The following GSE1 variants were observed in gnomAD, a reference collection of about 807,000 sequenced individuals.
The protein encoded by GSE1 is genetic suppressor element 1.
In GSE1, 32 loss-of-function variants were observed where a neutral mutation model predicts 112.6. That is an observed-to-expected ratio of 0.28 (90% CI 0.21 to 0.38). The LOEUF is 0.38. Among genes scored for constraint, GSE1 ranks in the 10% least tolerant of loss-of-function variants. GSE1 has a pLI of 1.00. For missense variants in GSE1, 2,348 were observed against 1,699.2 expected, an observed-to-expected ratio of 1.38 and a Z score of -6.71; for synonymous variants, 1,115 against 735.6, an observed-to-expected ratio of 1.52 and a Z score of -8.35.
intron 2 of GSE1, among the ~76,000 whole-genome samples, chr16:85,488,253 C>G (rs781030531): frequency 6.6e-6 from 1 of 152,148 alleles, no homozygotes; most frequent in African/African-American, 2.4e-5. Flanking sequence ...ATCTAGCATC[C>G]TCGTCCTCTT....
intron 1 of GSE1, among the ~76,000 whole-genome samples, chr16:85,328,418 G>C (rs1377576876): frequency 2.0e-5 from 3 of 152,208 alleles, no homozygotes; most frequent in Non-Finnish European, 4.4e-5. Flanking sequence ...CACAGCGGGG[G>C]CCGGAGGGAG....
At chr16:85,294,890 A>G (rs1259638145) in intron 1 of GSE1, among the ~76,000 whole-genome samples, 1 of 151,358 alleles carries the variant, frequency 6.6e-6, no homozygotes, top group Non-Finnish European at 1.5e-5. Context: ...TTGTACGTTC[A>G]CAGTATTTTG....
chr16:85,526,200 A>G (rs574176041), intron 2 of GSE1, among the ~76,000 whole-genome samples: 2 of 152,300 alleles, frequency 1.3e-5, no homozygotes, highest in South Asian at 4.1e-4. Flanking sequence ...TTCACTGAGC[A>G]CCTACTGTGT....
intron 1 of GSE1, among the ~76,000 whole-genome samples, chr16:85,294,416 G>A (rs1179441858): frequency 1.3e-5 from 2 of 152,198 alleles, no homozygotes; most frequent in African/African-American, 4.8e-5. Flanking sequence ...GCTGCGTGGT[G>A]TTCCATGGGT....
At chr16:85,518,977 C>T (rs886639160) in intron 2 of GSE1, among the ~76,000 whole-genome samples, 5 of 152,112 alleles carry the variant, frequency 3.3e-5, no homozygotes, top group East Asian at 1.9e-4. Context: ...TGTTGAGAAG[C>T]GCACTCTGGA....
intron 1 of GSE1, among the ~76,000 whole-genome samples, chr16:85,195,389 C>G (rs1324574595): frequency 6.6e-6 from 1 of 152,140 alleles, no homozygotes; most frequent in African/African-American, 2.4e-5. Context: ...GTAACCCTGG[C>G]TGGGACAGGG....
At chr16:85,589,151 C>G (rs1481139103) in intron 1 of GSE1, among the ~76,000 whole-genome samples, 6 of 152,164 alleles carry the variant, frequency 3.9e-5, no homozygotes, top group Admixed American at 3.9e-4. Flanking sequence ...TCAGGCCCCA[C>G]CCCCACCGGC....
intron 1 of GSE1, among the ~76,000 whole-genome samples, chr16:85,173,812 A>G (rs1371888367): frequency 6.6e-6 from 1 of 152,138 alleles, no homozygotes; most frequent in Non-Finnish European, 1.5e-5. Flanking sequence ...TCTGGTGTGG[A>G]CGGGAACGCA....
Position 85,207,502 on chromosome 16 carries a change from G to A in GSE1, c.2283+35695G>A, listed in dbSNP as rs561680425. Among the ~76,000 whole-genome samples the A allele has an allele frequency of 4.9e-3, 740 of 152,372 alleles. 5 individuals carry two copies. Among genetic ancestry groups the A allele is most frequent in the African/African-American group, 0.017 (706 of 41,594 alleles). On this transcript the variant is annotated intron_variant, in intron 1 of 2. Coordinates refer to the GSE1 transcript ENST00000637419. ...CAGCTGGGAGAGGCTGGCTTCCCCT[G>A]CTGGGGGTGACTGAGGGTCATTCAG...
At chr16:85,230,737 G>A (rs1022376720) in intron 1 of GSE1, among the ~76,000 whole-genome samples, 5 of 152,258 alleles carry the variant, frequency 3.3e-5, no homozygotes, top group African/African-American at 1.2e-4. Context: ...GGGGAAAGGG[G>A]TGTATTAACT....
At position 85,655,794 on chromosome 16, in the gene GSE1, T is replaced by C; in HGVS notation, c.866T>C (p.Leu289Pro). ...TACCCCATCCCCACCCCCGGCTCCCTGCCCCCACTGCACCCATCAGCGATG... is the reference window on the plus strand; with the variant it reads ...TACCCCATCCCCACCCCCGGCTCCCCGCCCCCACTGCACCCATCAGCGATG... ...PFYPIPTPGS[L>P]PPLHPSAMHL... is the part of the protein sequence containing the mutation. Residue 289 changes from leucine (L) to proline (P), a missense_variant, in exon 6 of 16, where the codon CTG becomes CCG. By Grantham distance (98) the Leu-to-Pro change is moderately conservative. Coordinates refer to ENST00000253458, the MANE Select transcript of GSE1 (RefSeq NM_014615.5). The C allele has an allele frequency of 1.6e-6, 2 of 1,279,614 alleles. No homozygotes were observed. Among genetic ancestry groups the C allele is most frequent in the Non-Finnish European group, 2.2e-6 (2 of 895,738 alleles). The allele number at this position is 1,279,614 out of a possible 1,614,324, so 79.3% of individuals were successfully genotyped here. A position where few individuals can be genotyped will look rare whatever the true frequency, so the allele number is the denominator to read the frequency against.
chr16:85,397,055 G>T (rs1030172068), intron 2 of GSE1, among the ~76,000 whole-genome samples: 2 of 152,222 alleles, frequency 1.3e-5, no homozygotes, highest in Non-Finnish European at 2.9e-5. Flanking sequence ...GGAAGAGGGT[G>T]CAGAGAGGCA....
chr16:85,232,903 T>C (rs1235093447), intron 1 of GSE1, among the ~76,000 whole-genome samples: 1 of 152,268 alleles, frequency 6.6e-6, no homozygotes, highest in Non-Finnish European at 1.5e-5. Flanking sequence ...TGTGAATTAA[T>C]GAATGGCTCC....
intron 2 of GSE1, among the ~76,000 whole-genome samples, chr16:85,644,736 A>G (rs958975327): frequency 3.3e-5 from 5 of 152,006 alleles, no homozygotes; most frequent in African/African-American, 4.8e-5. Flanking sequence ...TGATGGTCGC[A>G]CAACTCTGGA....
At chr16:85,617,465 C>T (rs368749060) in intron 1 of GSE1, among the ~76,000 whole-genome samples, 77 of 152,102 alleles carry the variant, frequency 5.1e-4, no homozygotes, top group African/African-American at 1.7e-3. Context: ...GCCTCCAGCT[C>T]GGGGGTCTCT....
intron 2 of GSE1, among the ~76,000 whole-genome samples, chr16:85,403,368 C>T (rs1310475975): frequency 2.0e-5 from 3 of 152,210 alleles, no homozygotes; most frequent in African/African-American, 4.8e-5. Context: ...GGCATGACCA[C>T]CAGGAGGCGT....
At chr16:85,636,544 C>T (rs148924159) in intron 2 of GSE1, among the ~76,000 whole-genome samples, 9 of 152,216 alleles carry the variant, frequency 5.9e-5, no homozygotes, top group East Asian at 3.8e-4. Flanking sequence ...CCTGACCTCA[C>T]GTTTCCCCGT....
intron 2 of GSE1, among the ~76,000 whole-genome samples, chr16:85,514,228 C>T (rs1297276350): frequency 6.6e-6 from 1 of 151,722 alleles, no homozygotes; most frequent in East Asian, 2.0e-4. Flanking sequence ...CTCCCCTCCC[C>T]GGTTTCTCTC....
chr16:85,264,808 G>A (rs550674378), intron 1 of GSE1, among the ~76,000 whole-genome samples: 1 of 152,202 alleles, frequency 6.6e-6, no homozygotes, highest in South Asian at 2.1e-4. Flanking sequence ...TGTAGAGTGT[G>A]GGTAACCAGG....
Sources: allele counts gnomAD v4.1 joint callset (sites outside exome capture counted in the v4.1 genomes callset), GRCh38; gene constraint gnomAD v4.1.1; transcripts MANE v1.5; gene names NCBI Gene and HGNC (gene_info 2026-07-23, HGNC 2026-07-21).